TEC: variants seen among roughly 807,000 people sequenced by gnomAD.
TEC encodes tyrosine-protein kinase Tec.
A neutral mutation model predicts 93.0 loss-of-function variants in TEC; 72 were observed. The observed-to-expected ratio is 0.77, with a 90% CI of 0.64 to 0.94. TEC has a LOEUF of 0.94. Among genes scored for constraint, TEC ranks in the 40% least tolerant of loss-of-function variants. The probability of loss-of-function intolerance (pLI) is 0.00; values close to 1 mark genes in which losing one functional copy is unlikely to be tolerated. For missense variants in TEC, 630 were observed against 757.9 expected (o/e 0.83, Z 1.98); for synonymous variants, 249 against 247.7 (o/e 1.01, Z -0.05).
chr4:48,222,227 A>G (rs1241118183), intron 2 of TEC, among the ~76,000 whole-genome samples: 1 of 152,208 alleles, frequency 6.6e-6, no homozygotes. Flanking sequence ...CAAAGGCACG[A>G]TGTGAAAGGG....
intron 2 of TEC, among the ~76,000 whole-genome samples, chr4:48,224,836 A>G (rs763684347): frequency 6.6e-6 from 1 of 152,244 alleles, no homozygotes; most frequent in Non-Finnish European, 1.5e-5. Flanking sequence ...GCTTGCTGTC[A>G]TCATGTTGAA....
intron 3 of TEC, among the ~76,000 whole-genome samples, chr4:48,173,641 C>A (rs925957685): frequency 6.6e-6 from 1 of 152,228 alleles, no homozygotes; most frequent in Admixed American, 6.5e-5. Context: ...AGGGAATACT[C>A]TCCCTCAGTA....
intron 1 of TEC, among the ~76,000 whole-genome samples, chr4:48,234,472 G>C (rs1021227954): frequency 2.0e-5 from 3 of 152,162 alleles, no homozygotes; most frequent in Non-Finnish European, 4.4e-5. Flanking sequence ...CAACCAGTCC[G>C]GATTGGATCA....
At chr4:48,179,351 TATATA>T in intron 2 of TEC, among the ~76,000 whole-genome samples, 1 of 41,186 alleles carries the variant, frequency 2.4e-5, no homozygotes, top group Non-Finnish European at 4.2e-5. Flanking sequence ...TATATATATA[TATATA>T]TATATATATA....
At chr4:48,258,861 C>T (rs1271646002) in intron 1 of TEC, among the ~76,000 whole-genome samples, 3 of 152,026 alleles carry the variant, frequency 2.0e-5, no homozygotes, top group African/African-American at 4.8e-5. Context: ...GACTCTCCTC[C>T]GAAATGTTAT....
At chr4:48,268,070 G>A (rs1724685570) in intron 1 of TEC, among the ~76,000 whole-genome samples, 1 of 152,238 alleles carries the variant, frequency 6.6e-6, no homozygotes, top group Non-Finnish European at 1.5e-5. Context: ...ACTTAAGGAA[G>A]CAAAGGTTAC....
intron 6 of TEC, 46 bp downstream of exon 6, chr4:48,168,540 G>A (rs780306127): frequency 6.9e-6 from 11 of 1,592,156 alleles, no homozygotes; most frequent in Non-Finnish European, 9.5e-6. Context: ...AAGACTTAAA[G>A]GCTTAAAATG....
chr4:48,156,233 G>A (rs937056366), intron 9 of TEC, among the ~76,000 whole-genome samples: 14 of 152,122 alleles, frequency 9.2e-5, no homozygotes, highest in Admixed American at 2.0e-4. Context: ...AAGTGAAACC[G>A]CAATGATGAC....
intron 12 of TEC, 49 bp downstream of exon 12, chr4:48,146,276 G>T: frequency 6.5e-7 from 1 of 1,550,384 alleles, no homozygotes; most frequent in Non-Finnish European, 8.9e-7. Flanking sequence ...TATGACAATG[G>T]ATTCTTTTCA....
At chr4:48,158,873 T>C (rs909990742) in intron 8 of TEC, among the ~76,000 whole-genome samples, 1 of 152,170 alleles carries the variant, frequency 6.6e-6, no homozygotes, top group Non-Finnish European at 1.5e-5. Flanking sequence ...TTTATGGTGT[T>C]GGCAAGTTCC....
intron 1 of TEC, among the ~76,000 whole-genome samples, chr4:48,257,773 C>T (rs1373274744): frequency 8.4e-6 from 1 of 118,398 alleles, no homozygotes; most frequent in Non-Finnish European, 1.8e-5. Flanking sequence ...TGCCACAGTA[C>T]AAGAGGGTGC....
At chr4:48,154,682 G>A (rs1234100434) in intron 9 of TEC, among the ~76,000 whole-genome samples, 1 of 152,096 alleles carries the variant, frequency 6.6e-6, no homozygotes, top group Non-Finnish European at 1.5e-5. Flanking sequence ...GGTAGAAAGA[G>A]AATGAAGAAA....
chr4:48,228,693 A>G, intron 1 of TEC, 34 bp from the exon 2 acceptor site: 1 of 1,510,430 alleles, frequency 6.6e-7, no homozygotes, highest in South Asian at 1.3e-5. Context: ...AAAATGTGAC[A>G]GTTTAATTTT....
At chr4:48,139,416 A>G (rs1719568376) in intron 15 of TEC, among the ~76,000 whole-genome samples, 1 of 152,252 alleles carries the variant, frequency 6.6e-6, no homozygotes, top group Non-Finnish European at 1.5e-5. Context: ...AGGAAGTGGT[A>G]TAAAGCATCT....
chr4:48,228,514 G>A lies in TEC; in HGVS notation c.101C>T (p.Thr34Ile). The A allele has an allele frequency of 6.2e-7, 1 of 1,612,696 alleles. No homozygotes were observed. Among genetic ancestry groups the A allele is most frequent in the Non-Finnish European group, 8.5e-7 (1 of 1,179,830 alleles). The change falls in exon 2 of 18, where the codon ACA (threonine) becomes ATA (isoleucine). Residue 34 changes from threonine to isoleucine, a missense_variant. Physicochemically the swap from Thr to Ile is moderately conservative, Grantham distance 89. This residue lies in a region of TEC where 335 missense variants were observed against 351.5 expected (regional missense o/e 0.95). Transcript: ENST00000381501. ...CTCATAGTAGGTTAGCATGGACTTT[G>A]TAAGTACAAAAAGTCTCTCTTTGTA... Reference protein sequence around the residue: ...LNYKERLFVLTKSMLTYYEGR... With the variant: ...LNYKERLFVLIKSMLTYYEGR...
At chr4:48,190,785 T>C (rs2109581787) in intron 2 of TEC, among the ~76,000 whole-genome samples, 1 of 152,206 alleles carries the variant, frequency 6.6e-6, no homozygotes, top group South Asian at 2.1e-4. Flanking sequence ...GGCTGGCAAA[T>C]GTAAATGATG....
chr4:48,229,313 G>T (rs1030347017), intron 1 of TEC, among the ~76,000 whole-genome samples: 1 of 152,180 alleles, frequency 6.6e-6, no homozygotes, highest in African/African-American at 2.4e-5. Context: ...GAGTCCACCT[G>T]GATAAGAAAG....
intron 11 of TEC, among the ~76,000 whole-genome samples, chr4:48,146,792 A>G (rs1719935090): frequency 6.6e-6 from 1 of 152,218 alleles, no homozygotes; most frequent in East Asian, 1.9e-4. Context: ...TAGGATAGCA[A>G]CAACTGGGAA....
chr4:48,165,084 T>A (rs1194026750), intron 7 of TEC, among the ~76,000 whole-genome samples: 3 of 151,998 alleles, frequency 2.0e-5, no homozygotes, highest in African/African-American at 7.3e-5. Flanking sequence ...AAATACAAGA[T>A]AACTTGAGCC....
Sources: allele counts gnomAD v4.1 joint callset (sites outside exome capture counted in the v4.1 genomes callset), GRCh38; gene constraint gnomAD v4.1.1; regional missense constraint gnomAD v4.1.1; transcripts MANE v1.5; gene names NCBI Gene and HGNC (gene_info 2026-07-23, HGNC 2026-07-21).